Variants in GIT2 observed in about 807,000 individuals in gnomAD.
GIT2 encodes GIT ArfGAP 2.
GIT2 carries 32 observed loss-of-function variants against 100.3 expected under a neutral mutation model. That is an observed-to-expected ratio of 0.32 (90% CI 0.24 to 0.43). The LOEUF (loss-of-function observed/expected upper bound fraction) is 0.43, where lower values mean the gene tolerates loss of function less well. GIT2 is among the 20% of genes least tolerant of loss of function. GIT2 has a pLI of 1.00. For synonymous variants in GIT2, 353 were observed against 364.1 expected, an observed-to-expected ratio of 0.97 and a Z score of 0.35; for missense variants, 737 against 975.1, an observed-to-expected ratio of 0.76 and a Z score of 3.25.
intron 9 of GIT2, 69 bp downstream of exon 9, chr12:109,965,457 T>C (rs973989784): frequency 7.0e-6 from 6 of 856,726 alleles, no homozygotes; most frequent in African/African-American, 5.1e-5. Flanking sequence ...GTAACCTGCA[T>C]TCAGAGTAGG....
At chr12:109,971,429 G>A (rs894605155) in intron 7 of GIT2, among the ~76,000 whole-genome samples, 7 of 151,824 alleles carry the variant, frequency 4.6e-5, no homozygotes, top group Non-Finnish European at 5.9e-5. Context: ...AGGTTCAAGC[G>A]ATTCTCCTAA....
At chr12:109,996,828 A>C (rs1889500065), upstream of GIT2, among the ~76,000 whole-genome samples, 2 of 152,170 alleles carry the variant, frequency 1.3e-5, no homozygotes, top group African/African-American at 4.8e-5. Flanking sequence ...TTGTAATCTC[A>C]ACTCTTTGGA....
At chr12:109,943,329 C>A (rs2136204504) in intron 16 of GIT2, among the ~76,000 whole-genome samples, 1 of 146,410 alleles carries the variant, frequency 6.8e-6, no homozygotes, top group African/African-American at 2.8e-5. Context: ...CAGAACTGCT[C>A]AGGAGACTTT....
upstream of GIT2, chr12:109,998,868 C>G (rs1043665569): frequency 6.6e-6 from 1 of 152,142 alleles, no homozygotes; most frequent in African/African-American, 2.4e-5. Context: ...TGCTCAGCAT[C>G]CTACAAGGAC....
chr12:109,973,920 T>C (rs1390961790), intron 7 of GIT2, among the ~76,000 whole-genome samples: 1 of 151,714 alleles, frequency 6.6e-6, no homozygotes, highest in African/African-American at 2.4e-5. Context: ...TGCATGCCTA[T>C]AATCCCAGTT....
At chr12:109,994,540 A>G (rs1888987274) in intron 1 of GIT2, among the ~76,000 whole-genome samples, 1 of 152,222 alleles carries the variant, frequency 6.6e-6, no homozygotes, top group African/African-American at 2.4e-5. Flanking sequence ...ATTTCAAGGT[A>G]GCCTAATTAT....
chr12:109,966,659 A>C (rs76103803), intron 8 of GIT2, among the ~76,000 whole-genome samples: 3,918 of 152,222 alleles, frequency 0.026, 58 homozygotes, highest in South Asian at 0.056. Flanking sequence ...CAAAGCAAAA[A>C]AAAACAAAAC....
At chr12:109,985,421 G>T (rs191430727) in intron 4 of GIT2, among the ~76,000 whole-genome samples, 10 of 151,926 alleles carry the variant, frequency 6.6e-5, no homozygotes, top group South Asian at 2.1e-4. Flanking sequence ...ATTAAAAAAG[G>T]GGGGGGAAAA....
chr12:109,947,534 G>GT lies in GIT2; in HGVS notation c.1393-31dup, dbSNP rs766304453. The GT allele has an allele frequency of 1.4e-4, 216 of 1,597,010 alleles. No homozygotes were observed. The highest frequency in any genetic ancestry group is 1.0e-3 in the South Asian group (90 of 89,478). On this transcript the variant is annotated intron_variant, in intron 14 of 19. Transcript: ENST00000355312. This position sits in a 1 kb window ranked among gnomAD's most constrained non-coding sequence, Gnocchi z 4.3. ...AAGAAATGTTTGGCAGTGGGACTGT[G>GT]TTTTTTTACAGCAAGCAGAAAAAGC... is the stretch of plus-strand genomic sequence containing the variant.
intron 2 of GIT2, 73 bp downstream of exon 2, chr12:109,991,554 G>T (rs1888405726): frequency 8.2e-7 from 1 of 1,213,642 alleles, no homozygotes; most frequent in Non-Finnish European, 1.2e-6. Context: ...TACACCAGGA[G>T]AAATTTAAGT....
At chr12:109,995,986 G>C (rs2137039547) in intron 1 of GIT2, 187 bp downstream of exon 1, 1 of 476,782 alleles carries the variant, frequency 2.1e-6, no homozygotes, top group African/African-American at 2.0e-5. Context: ...GCGAGGGACG[G>C]GGAGGGCGGC....
At chr12:109,988,247 T>C (rs753176820) in intron 4 of GIT2, among the ~76,000 whole-genome samples, 2 of 152,292 alleles carry the variant, frequency 1.3e-5, no homozygotes, top group East Asian at 1.9e-4. Context: ...TGGCTGCCAT[T>C]TGAATTCAGA....
At chr12:109,967,118 G>T (rs1882706240) in intron 8 of GIT2, among the ~76,000 whole-genome samples, 1 of 152,140 alleles carries the variant, frequency 6.6e-6, no homozygotes, top group Non-Finnish European at 1.5e-5. Context: ...ATTGGCCCTT[G>T]AGAAGAAAAG....
Position 109,933,415 on chromosome 12 carries a change from T to G in GIT2, c.2068-225A>C, listed in dbSNP as rs1872051440. 2.1e-6 allele frequency: 1 copy of G among 465,744 alleles called. No individual in the cohort carries two copies. Among genetic ancestry groups the G allele is most frequent in the Non-Finnish European group, 3.8e-6 (1 of 262,516 alleles). 28.9% of individuals were successfully genotyped at this position (465,744 alleles called of 1,614,324 possible). A position where few individuals can be genotyped will look rare whatever the true frequency, so the allele number is the denominator to read the frequency against. On this transcript the variant is annotated intron_variant, in intron 19 of 19. Transcript: ENST00000355312. This position sits in a 1 kb window ranked among gnomAD's most constrained non-coding sequence, Gnocchi z 4.5. ...AGGTCAAAGTGCATGCAGGGTAATT[T>G]TAGTAGTATGTGGTATTTTGAAGTA... is the stretch of plus-strand genomic sequence containing the variant.
At chr12:109,961,175 A>C (rs1450061338) in intron 11 of GIT2, 103 bp downstream of exon 11, 3 of 688,652 alleles carry the variant, frequency 4.4e-6, no homozygotes, top group African/African-American at 3.6e-5. Context: ...AAGGATATTA[A>C]ATTTTAATCA....
intron 12 of GIT2, among the ~76,000 whole-genome samples, chr12:109,959,295 T>G (rs1565966082): frequency 6.6e-6 from 1 of 152,048 alleles, no homozygotes; most frequent in Admixed American, 6.6e-5. Flanking sequence ...CTCGAACTCC[T>G]GACGTTAGGT....
intron 7 of GIT2, among the ~76,000 whole-genome samples, chr12:109,968,991 T>C (rs1456304677): frequency 6.6e-6 from 1 of 152,156 alleles, no homozygotes; most frequent in Non-Finnish European, 1.5e-5. Context: ...CCCAACGTGC[T>C]GAGATTACAG....
chr12:109,954,966 C>A (rs1189012506), intron 12 of GIT2, among the ~76,000 whole-genome samples: 7 of 151,424 alleles, frequency 4.6e-5, no homozygotes, highest in Non-Finnish European at 7.4e-5. Context: ...TTTTAAAACA[C>A]ATAAATATAA....
At position 109,933,741 on chromosome 12, in the gene GIT2, A is replaced by T. The variant is rs1872194140; in HGVS notation, c.2067+281T>A. ...TTCAGCCTCCTGAGTAGCTGGGATT[A>T]CAGGCATGCACCACCACGCCTGACT... On this transcript the variant is annotated intron_variant, in intron 19 of 19. Coordinates refer to ENST00000355312, the MANE Select transcript of GIT2 (RefSeq NM_057169.5). The surrounding 1 kb of genome is among the most constrained non-coding windows in gnomAD (Gnocchi z 4.5). The T allele has an allele frequency of 6.2e-6, 2 of 323,194 alleles. No homozygotes were observed. The highest frequency in any genetic ancestry group is 8.8e-5 in the Admixed American group (2 of 22,682). 20.0% of individuals were successfully genotyped at this position (323,194 alleles called of 1,614,324 possible). A position where few individuals can be genotyped will look rare whatever the true frequency, so the allele number is the denominator to read the frequency against.
Sources: allele counts gnomAD v4.1 joint callset (sites outside exome capture counted in the v4.1 genomes callset), GRCh38; gene constraint gnomAD v4.1.1; non-coding constraint Gnocchi (gnomAD v3.1); transcripts MANE v1.5; gene names NCBI Gene and HGNC (gene_info 2026-07-23, HGNC 2026-07-21).